Variants in ZNF676 observed in about 807,000 individuals in gnomAD.
ZNF676 encodes the protein zinc finger protein 676.
ZNF676 carries 4 observed loss-of-function variants against 6.0 expected under a neutral mutation model. That is an observed-to-expected ratio of 0.67 (90% CI 0.33 to 1.53). The LOEUF (loss-of-function observed/expected upper bound fraction) is 1.53, where lower values mean the gene tolerates loss of function less well. ZNF676 is among the 40% of genes most tolerant of loss of function. ZNF676 has a pLI of 0.06. For synonymous variants in ZNF676, 198 were observed against 223.1 expected (o/e 0.89, Z 1.00); for missense variants, 644 against 679.7 (o/e 0.95, Z 0.58).
chr19:22,212,689 A>T (rs2024141715), intron 1 of ZNF676, among the ~76,000 whole-genome samples: 1 of 151,800 alleles, frequency 6.6e-6, no homozygotes. Context: ...TGGGCGACAG[A>T]GGAAAACACT....
chr19:22,240,509 G>A, the ZNF676 span, among the ~76,000 whole-genome samples: 3 of 151,816 alleles, frequency 2.0e-5, no homozygotes, highest in African/African-American at 7.3e-5. Context: ...AAAGAGAAGC[G>A]TTGGCTGGGC....
the ZNF676 span, among the ~76,000 whole-genome samples, chr19:22,234,306 T>C: frequency 6.6e-6 from 1 of 152,208 alleles, no homozygotes; most frequent in Non-Finnish European, 1.5e-5. Context: ...AGGTCATCAG[T>C]GCAGGCTGGG....
At chr19:22,256,640 TC>T in the ZNF676 span, among the ~76,000 whole-genome samples, 29 of 152,044 alleles carry the variant, frequency 1.9e-4, no homozygotes, top group South Asian at 4.2e-4. Flanking sequence ...GTGCCTCCTA[TC>T]CCCTATGTGT....
In ZNF676 at chr19:22,182,780, CAT is replaced by C. The variant is rs575801736; in HGVS notation, c.131-1196_131-1195del. Among the ~76,000 whole-genome samples, 137 of 151,528 alleles carry C rather than the reference CAT, an allele frequency of 9.0e-4. 1 individual carries two copies. Among genetic ancestry groups the C allele is most frequent in the African/African-American group, 3.2e-3 (132 of 41,394 alleles). On this transcript the variant is annotated intron_variant, in intron 2 of 2. Transcript: ENST00000397121. ...AAGTAGTTCTTACCACTGAAAATAA[CAT>C]AATGTAAGAAAACAACACCTAGTCA...
chr19:22,255,651 C>A, the ZNF676 span, among the ~76,000 whole-genome samples: 3 of 152,064 alleles, frequency 2.0e-5, no homozygotes, highest in African/African-American at 7.2e-5. Context: ...CGAGACCATC[C>A]TGGCTAACAC....
At chr19:22,252,597 G>C in the ZNF676 span, among the ~76,000 whole-genome samples, 2 of 152,198 alleles carry the variant, frequency 1.3e-5, no homozygotes, top group Non-Finnish European at 2.9e-5. Flanking sequence ...GAGCCAGAGA[G>C]TAATATCACC....
At chr19:22,253,813 T>C in the ZNF676 span, among the ~76,000 whole-genome samples, 1 of 152,120 alleles carries the variant, frequency 6.6e-6, no homozygotes, top group Non-Finnish European at 1.5e-5. Context: ...TGGTGGTATG[T>C]GCATATAAGA....
chr19:22,238,282 A>C, the ZNF676 span, among the ~76,000 whole-genome samples: 3 of 152,016 alleles, frequency 2.0e-5, no homozygotes, highest in Admixed American at 1.3e-4. Flanking sequence ...GAACTCCTGA[A>C]CTCGTGATCC....
chr19:22,182,450 G>A (rs2023768749), intron 2 of ZNF676, among the ~76,000 whole-genome samples: 3 of 151,458 alleles, frequency 2.0e-5, no homozygotes, highest in Non-Finnish European at 4.4e-5. Context: ...AAATTGAATA[G>A]CACTCAATGA....
chr19:22,215,923 A>G (rs182026293), upstream of ZNF676, among the ~76,000 whole-genome samples: 534 of 152,290 alleles, frequency 3.5e-3, 3 homozygotes, highest in African/African-American at 0.011. Flanking sequence ...GGGCTGAATG[A>G]AGAAAGAGAG....
chr19:22,240,309 T>C, the ZNF676 span, among the ~76,000 whole-genome samples: 23 of 152,022 alleles, frequency 1.5e-4, 1 homozygote, highest in South Asian at 4.6e-3. Flanking sequence ...TCAAACCACC[T>C]GGGTGCTGGG....
chr19:22,216,188 A>G (rs1261827291), upstream of ZNF676, among the ~76,000 whole-genome samples: 2 of 152,210 alleles, frequency 1.3e-5, no homozygotes, highest in Non-Finnish European at 2.9e-5. Flanking sequence ...TAATCCCATC[A>G]GTTTGGGAGG....
the ZNF676 span, among the ~76,000 whole-genome samples, chr19:22,257,865 A>T: frequency 6.6e-6 from 1 of 152,154 alleles, no homozygotes; most frequent in African/African-American, 2.4e-5. Context: ...GGGCTTAGGA[A>T]GAAAAGAAAA....
the ZNF676 span, among the ~76,000 whole-genome samples, chr19:22,237,371 T>A: frequency 6.6e-6 from 1 of 152,222 alleles, no homozygotes; most frequent in Non-Finnish European, 1.5e-5. Flanking sequence ...TTCAACTCTA[T>A]GTTCCTTCCA....
chr19:22,192,351 A>T (rs1398270282), intron 2 of ZNF676, among the ~76,000 whole-genome samples: 2 of 152,116 alleles, frequency 1.3e-5, no homozygotes, highest in Non-Finnish European at 2.9e-5. Context: ...ATAGATTCAA[A>T]TAAATGTTAA....
At chr19:22,233,848 CTTGA>C in the ZNF676 span, among the ~76,000 whole-genome samples, 1 of 152,210 alleles carries the variant, frequency 6.6e-6, no homozygotes, top group Non-Finnish European at 1.5e-5. Flanking sequence ...ATCCTATCCA[CTTGA>C]TTATCAAAAT....
Position 22,196,628 on chromosome 19 carries a change from T to C in ZNF676, c.6A>G (p.Leu2=), listed in dbSNP as rs2023969607. 1 of 1,613,640 alleles carries C rather than the reference T, an allele frequency of 6.2e-7. No homozygotes were observed. The highest frequency in any genetic ancestry group is 1.7e-5 in the Admixed American group (1 of 59,976). The change falls in exon 1 of 3, where the codon TTA becomes TTG. Residue 2 remains leucine, a synonymous_variant. Transcript: ENST00000397121. ...GGAAGACCAGGTTTCTGTAGTTCTC[T>C]AACATCACATTCCTATATAAATTCT... M[L]ENYRNLVFLG...
chr19:22,242,880 T>C, the ZNF676 span, among the ~76,000 whole-genome samples: 23,110 of 151,548 alleles, frequency 0.15, 2,146 homozygotes, highest in Middle Eastern at 0.22. Context: ...TTACATTATG[T>C]AGCTGCTGAG....
chr19:22,258,436 T>C, the ZNF676 span, among the ~76,000 whole-genome samples: 1 of 152,170 alleles, frequency 6.6e-6, no homozygotes, highest in Non-Finnish European at 1.5e-5. Flanking sequence ...TATGTCACAA[T>C]GTCCCCTGTG....
Sources: gnomAD v4.1 joint callset for allele counts (sites outside exome capture counted in the v4.1 genomes callset) on GRCh38, gnomAD v4.1.1 for gene constraint, MANE v1.5 for transcripts, NCBI Gene and HGNC (gene_info 2026-07-23, HGNC 2026-07-21) for gene names.